The following GCM1 variants were observed in gnomAD, a reference collection of about 807,000 sequenced individuals.
GCM1 encodes the protein chorion-specific transcription factor GCMa.
In GCM1, 2 loss-of-function variants were observed where a neutral mutation model predicts 25.7. The ratio of observed to expected loss-of-function variants is 0.08; its 90% CI spans 0.03 to 0.24. The LOEUF (loss-of-function observed/expected upper bound fraction) is 0.24. GCM1 is among the 10% of genes least tolerant of loss of function. GCM1 has a pLI of 1.00. For synonymous variants in GCM1, 183 were observed against 195.7 expected, an observed-to-expected ratio of 0.94 and a Z score of 0.54; for missense variants, 395 against 538.7, an observed-to-expected ratio of 0.73 and a Z score of 2.64.
chr6:53,144,234 C>A (rs540002251), intron 2 of GCM1, among the ~76,000 whole-genome samples: 12 of 152,060 alleles, frequency 7.9e-5, no homozygotes, highest in African/African-American at 2.9e-4. Flanking sequence ...CCAACTTGGG[C>A]AACATTGTGA....
rs532582377 is a variant in GCM1 at position 53,127,977 on chromosome 6, C to T, written c.*229G>A. 1.3e-3 allele frequency: 387 copies of T among 297,412 alleles called. 8 individuals carry two copies. The South Asian group carries it at 0.02, about 16-fold the overall frequency. 18.4% of individuals were successfully genotyped at this position (297,412 alleles called of 1,614,324 possible). On this transcript the variant is annotated 3_prime_UTR_variant, in exon 6 of 6. Coordinates refer to ENST00000259803, the MANE Select transcript of GCM1 (RefSeq NM_003643.4). ...CCGGGAGGCAGAGGTTGCAGTGAGC[C>T]GAGATGGCGCCACTGCATTCCTGCC...
In GCM1 at chr6:53,137,987, A is replaced by G. The variant is rs527993414; in HGVS notation, c.76-3663T>C. ...GTACCTTAGTTTTCCAGTTCTATTAATAATGCAGTAATGGCCAGGTGCAGT... is the reference window on the plus strand; with the variant it reads ...GTACCTTAGTTTTCCAGTTCTATTAGTAATGCAGTAATGGCCAGGTGCAGT... On this transcript the variant is annotated intron_variant, in intron 2 of 5. Coordinates refer to ENST00000259803, the MANE Select transcript of GCM1 (RefSeq NM_003643.4). 2.0e-5 allele frequency among the ~76,000 whole-genome samples: 3 copies of G among 152,010 alleles called. No homozygotes were observed. In the South Asian group the frequency reaches 6.2e-4, roughly 32 times the overall value.
chr6:53,130,062 G>A (rs1195853751), intron 5 of GCM1, among the ~76,000 whole-genome samples: 7 of 152,112 alleles, frequency 4.6e-5, no homozygotes, highest in African/African-American at 1.7e-4. Flanking sequence ...AAAGGATGAG[G>A]AAATAGCCAT....
chr6:53,128,209 T>C lies in GCM1; in HGVS notation c.1308A>G (p.Arg436=). Residue 436 remains arginine, a synonymous_variant, in exon 6 of 6, where the codon AGA becomes AGG. Transcript: ENST00000259803. The part of the protein sequence containing the change: ...NDMLLNLCPL[R] The stretch of plus-strand genomic sequence containing the variant: ...TGCACATAGTGAAAGATTTGGGTCA[T>C]CTCAAAGGACACAGGTTCAGAAGCA... 2 of 1,603,504 alleles carry C rather than the reference T, an allele frequency of 1.2e-6. No individual in the cohort carries two copies. Among genetic ancestry groups the C allele is most frequent in the East Asian group, 4.5e-5 (2 of 44,856 alleles).
chr6:53,142,541 T>C (rs1763890321), intron 2 of GCM1, among the ~76,000 whole-genome samples: 1 of 152,132 alleles, frequency 6.6e-6, no homozygotes, highest in Non-Finnish European at 1.5e-5. Flanking sequence ...ACAGAATATA[T>C]TTAGGGAACA....
intron 2 of GCM1, among the ~76,000 whole-genome samples, chr6:53,142,929 G>C (rs11759714): frequency 1.4e-5 from 2 of 140,126 alleles, no homozygotes; most frequent in Non-Finnish European, 3.1e-5. Flanking sequence ...ATTCAAATCT[G>C]GGGCATTTTT....
In GCM1 at chr6:53,141,853, T is replaced by C. The variant is rs188256853; in HGVS notation, c.75+3705A>G. The stretch of plus-strand genomic sequence containing the variant: ...ACCCCATCTCTACTAAAAAGACAAA[T>C]AATTAGTTGGGTGTGGGGTGCACGC... On this transcript the variant is annotated intron_variant, in intron 2 of 5. Coordinates refer to ENST00000259803, the MANE Select transcript of GCM1 (RefSeq NM_003643.4). 3.1e-3 allele frequency among the ~76,000 whole-genome samples: 462 copies of C among 149,172 alleles called. 3 individuals carry two copies. Among genetic ancestry groups the C allele is most frequent in the African/African-American group, 0.011 (438 of 40,640 alleles).
At position 53,128,465 on chromosome 6, in the gene GCM1, C is replaced by A. The variant is rs762117591; in HGVS notation, c.1052G>T (p.Gly351Val). 6.2e-7 allele frequency: 1 copy of A among 1,614,084 alleles called. No homozygotes were observed. Among genetic ancestry groups the A allele is most frequent in the Non-Finnish European group, 8.5e-7 (1 of 1,180,016 alleles). ...TGGATTTGGCCATAATGGGGGACAG[C>A]CAGTTTTGGCTGCAGGTGGCTCCAA... Reference protein sequence around the residue: ...LPLEPPAAKTGCPPLWPNPAG... With the variant: ...LPLEPPAAKTVCPPLWPNPAG... Residue 351 changes from glycine to valine, a missense_variant, in exon 6 of 6, where the codon GGC becomes GTC. Gly to Val is a moderately radical substitution (Grantham distance 109). Coordinates refer to ENST00000259803, the MANE Select transcript of GCM1 (RefSeq NM_003643.4).
At chr6:53,146,963 G>A (rs549789187) in intron 1 of GCM1, among the ~76,000 whole-genome samples, 1 of 152,110 alleles carries the variant, frequency 6.6e-6, no homozygotes, top group African/African-American at 2.4e-5. Context: ...GAGCCCAGGA[G>A]GTTGAGGCTG....
Position 53,145,740 on chromosome 6 carries a change from A to G in GCM1, c.-108T>C. 2 of 682,690 alleles carry G rather than the reference A, an allele frequency of 2.9e-6. No homozygotes were observed. The highest frequency in any genetic ancestry group is 5.2e-6 in the Non-Finnish European group (2 of 381,800). 42.3% of individuals were successfully genotyped at this position (682,690 alleles called of 1,614,324 possible). A position where few individuals can be genotyped will look rare whatever the true frequency, so the allele number is the denominator to read the frequency against. On this transcript the variant is annotated 5_prime_UTR_variant, in exon 2 of 6. Transcript: ENST00000259803. ...TATAGCTGGATCGGCCCACTCAAGC[A>G]CCTTGGACCAGGAGATTGTTTTCTA... is the stretch of plus-strand genomic sequence containing the variant.
intron 1 of GCM1, among the ~76,000 whole-genome samples, chr6:53,146,208 ATATATATATTTTTT>A (rs1007215630): frequency 3.4e-5 from 2 of 59,134 alleles, no homozygotes; most frequent in African/African-American, 1.3e-4. Flanking sequence ...ATATATATAT[ATATATATATTTTTT>A]TTTTTTTTTT....
At chr6:53,148,677 T>C (rs1358530960) in intron 1 of GCM1, 77 bp downstream of exon 1, 1 of 152,178 alleles carries the variant, frequency 6.6e-6, no homozygotes, top group Non-Finnish European at 1.5e-5. Context: ...CTAGAACAAA[T>C]GAAACCCTGT....
At chr6:53,141,488 C>T (rs2127510178) in intron 2 of GCM1, among the ~76,000 whole-genome samples, 1 of 151,776 alleles carries the variant, frequency 6.6e-6, no homozygotes, top group South Asian at 2.1e-4. Flanking sequence ...GAGATCGAGA[C>T]CATCCTGGCT....
At chr6:53,136,597 AAG>A in intron 2 of GCM1, among the ~76,000 whole-genome samples, 1 of 152,324 alleles carries the variant, frequency 6.6e-6, no homozygotes. Flanking sequence ...ATGTGGTTGT[AAG>A]AGTCACTGGC....
At chr6:53,137,505 T>C (rs1289828732) in intron 2 of GCM1, among the ~76,000 whole-genome samples, 1 of 152,162 alleles carries the variant, frequency 6.6e-6, no homozygotes, top group Non-Finnish European at 1.5e-5. Context: ...TGTCTACTTT[T>C]GGCCAGGAAT....
Position 53,128,671 on chromosome 6 carries a change from A to G in GCM1, c.846T>C (p.Pro282=). 1 of 1,614,108 alleles carries G rather than the reference A, an allele frequency of 6.2e-7. No individual in the cohort carries two copies. Among genetic ancestry groups the G allele is most frequent in the Non-Finnish European group, 8.5e-7 (1 of 1,179,926 alleles). ...GATCAGAGTAGACTCCGGAGGCAGAAGGAGGAAGCAGGTCTCCACTACTGT... is the reference window on the plus strand; with the variant it reads ...GATCAGAGTAGACTCCGGAGGCAGAGGGAGGAAGCAGGTCTCCACTACTGT... ...RTYSSGDLLP[P]SASGVYSDHG... The change falls in exon 6 of 6, where the codon CCT becomes CCC. Residue 282 remains proline (P), a synonymous_variant. Coordinates refer to ENST00000259803, the MANE Select transcript of GCM1 (RefSeq NM_003643.4).
chr6:53,131,949 G>C (rs1368644842), intron 4 of GCM1, 58 bp downstream of exon 4: 1 of 948,622 alleles, frequency 1.1e-6, no homozygotes, highest in Non-Finnish European at 1.7e-6. Flanking sequence ...TGCATTTCTA[G>C]CCTCTGGTGA....
intron 2 of GCM1, among the ~76,000 whole-genome samples, chr6:53,139,839 C>A (rs1359885251): frequency 6.6e-6 from 1 of 151,886 alleles, no homozygotes; most frequent in African/African-American, 2.4e-5. Flanking sequence ...CCAGCCTGGG[C>A]GACAGAGTGA....
At chr6:53,131,910 C>G (rs9349655) in intron 4 of GCM1, 97 bp downstream of exon 4, 72,830 of 757,264 alleles carry the variant, frequency 0.096, 4,743 homozygotes, top group East Asian at 0.31. Flanking sequence ...TGTGAGCCCT[C>G]GGGGATGGTG....
Sources: allele counts gnomAD v4.1 joint callset (sites outside exome capture counted in the v4.1 genomes callset), GRCh38; gene constraint gnomAD v4.1.1; transcripts MANE v1.5; gene names NCBI Gene and HGNC (gene_info 2026-07-23, HGNC 2026-07-21).